Variants in ADGRL4 observed in about 807,000 individuals in gnomAD.
ADGRL4 encodes adhesion G protein-coupled receptor L4.
In ADGRL4, 90 loss-of-function variants were observed where a neutral mutation model predicts 74.8. That is an observed-to-expected ratio of 1.20 (90% confidence interval 1.02 to 1.43). ADGRL4 has a LOEUF of 1.43. Among genes scored for constraint, ADGRL4 ranks in the 40% most tolerant of loss-of-function variants. The pLI is 0.00. For missense variants in ADGRL4, 881 were observed against 814.3 expected, an observed-to-expected ratio of 1.08 and a Z score of -1.00; for synonymous variants, 311 against 279.2, an observed-to-expected ratio of 1.11 and a Z score of -1.14.
At chr1:78,960,952 G>T (rs1649938926) in intron 2 of ADGRL4, among the ~76,000 whole-genome samples, 1 of 152,090 alleles carries the variant, frequency 6.6e-6, no homozygotes. Context: ...AAATGAAAAA[G>T]ACAAATCTAT....
chr1:78,915,911 T>C (rs1052010701), intron 12 of ADGRL4, among the ~76,000 whole-genome samples: 13 of 151,984 alleles, frequency 8.6e-5, no homozygotes, highest in Admixed American at 2.6e-4. Flanking sequence ...AAAGGTATTA[T>C]AAAAGATGAG....
intron 2 of ADGRL4, among the ~76,000 whole-genome samples, chr1:78,997,771 G>A (rs1400641797): frequency 3.9e-5 from 6 of 152,014 alleles, no homozygotes; most frequent in Admixed American, 1.3e-4. Context: ...AAAAAAAAAT[G>A]TGATTATCAC....
intron 2 of ADGRL4, among the ~76,000 whole-genome samples, chr1:78,988,062 A>G (rs1650533645): frequency 6.6e-6 from 1 of 151,836 alleles, no homozygotes; most frequent in Non-Finnish European, 1.5e-5. Context: ...ATGTATTAGA[A>G]TTTAAAATAA....
chr1:78,937,963 C>CA lies in ADGRL4; in HGVS notation c.603dup (p.Val202CysfsTer17), dbSNP rs772912167. ...CAAACTACAAATGTATCCCTTTGAA[C>CA]AAAATTATTCACGGTTTTTACAAAT... On this transcript the variant is annotated frameshift_variant, in exon 6 of 15. Transcript: ENST00000370742. LOFTEE classifies it high-confidence loss of function. 6.2e-7 allele frequency: 1 copy of CA among 1,610,428 alleles called. No homozygotes were observed. The highest frequency in any genetic ancestry group is 8.5e-7 in the Non-Finnish European group (1 of 1,179,064).
intron 2 of ADGRL4, among the ~76,000 whole-genome samples, chr1:78,992,652 T>C (rs1570276665): frequency 6.6e-6 from 1 of 152,170 alleles, no homozygotes; most frequent in East Asian, 1.9e-4. Flanking sequence ...CTATGCTCAA[T>C]GGCAATGGAC....
chr1:78,998,917 GAGAATTA>G (rs1302994131), intron 2 of ADGRL4, among the ~76,000 whole-genome samples: 1 of 152,130 alleles, frequency 6.6e-6, no homozygotes, highest in Non-Finnish European at 1.5e-5. Flanking sequence ...GAACTATTGT[GAGAATTA>G]AATTTAAAAA....
chr1:78,920,152 G>A (rs768634985), intron 10 of ADGRL4, 31 bp downstream of exon 10: 2 of 1,533,612 alleles, frequency 1.3e-6, no homozygotes, highest in African/African-American at 1.4e-5. Flanking sequence ...CATATCATAG[G>A]ACAAAAATAG....
chr1:78,978,488 T>C (rs1650335043), intron 2 of ADGRL4, among the ~76,000 whole-genome samples: 1 of 151,988 alleles, frequency 6.6e-6, no homozygotes, highest in South Asian at 2.1e-4. Flanking sequence ...ATGTTTCAGT[T>C]CTTCTCGTCC....
At chr1:78,931,400 C>T (rs1649239544) in intron 7 of ADGRL4, among the ~76,000 whole-genome samples, 1 of 151,436 alleles carries the variant, frequency 6.6e-6, no homozygotes, top group Non-Finnish European at 1.5e-5. Flanking sequence ...TCGTCACCAC[C>T]AGTCCTGCCT....
Position 79,002,924 on chromosome 1 carries a change from C to T in ADGRL4, c.172+2146G>A, listed in dbSNP as rs1233007661. Among the ~76,000 whole-genome samples, 5 of 152,068 alleles carry T rather than the reference C, an allele frequency of 3.3e-5. No individual in the cohort carries two copies. In the East Asian group the frequency reaches 9.6e-4, roughly 29 times the overall value. On this transcript the variant is annotated intron_variant, in intron 2 of 14. Coordinates refer to ENST00000370742, the MANE Select transcript of ADGRL4 (RefSeq NM_022159.4). ...CAAATTATAAATTACTTGTTCAAAA[C>T]TTGCTCTTTTAATATGTTTAGTGAG...
intron 3 of ADGRL4, 59 bp from the exon 4 acceptor site, chr1:78,939,317 A>T (rs1308904705): frequency 7.2e-7 from 1 of 1,383,792 alleles, no homozygotes; most frequent in Non-Finnish European, 9.6e-7. Flanking sequence ...TCCTAAGCTG[A>T]TCATATCAAT....
intron 2 of ADGRL4, among the ~76,000 whole-genome samples, chr1:78,992,809 T>A (rs1650634900): frequency 6.6e-6 from 1 of 152,108 alleles, no homozygotes; most frequent in Non-Finnish European, 1.5e-5. Context: ...AAAAGCTATA[T>A]AATATATACT....
intron 2 of ADGRL4, among the ~76,000 whole-genome samples, chr1:78,970,750 T>A (rs1460692953): frequency 6.6e-6 from 1 of 152,126 alleles, no homozygotes; most frequent in African/African-American, 2.4e-5. Flanking sequence ...TTTCCCTTTC[T>A]CCTCCTCTGT....
At chr1:78,915,982 C>T (rs895866052) in intron 12 of ADGRL4, among the ~76,000 whole-genome samples, 3 of 151,616 alleles carry the variant, frequency 2.0e-5, no homozygotes, top group South Asian at 2.1e-4. Context: ...AGACTGACCC[C>T]CTGGTTAACC....
chr1:78,983,886 A>T (rs1480736756), intron 2 of ADGRL4, among the ~76,000 whole-genome samples: 1 of 151,862 alleles, frequency 6.6e-6, no homozygotes, highest in Non-Finnish European at 1.5e-5. Context: ...ATAATGTACC[A>T]TATACCTTCA....
chr1:78,903,103 T>C (rs1016094009), intron 12 of ADGRL4, among the ~76,000 whole-genome samples: 2 of 152,164 alleles, frequency 1.3e-5, no homozygotes, highest in African/African-American at 4.8e-5. Context: ...ACTGGTGTCC[T>C]CACTTTTTCC....
chr1:78,974,422 A>G (rs1342495687), intron 2 of ADGRL4, among the ~76,000 whole-genome samples: 2 of 152,150 alleles, frequency 1.3e-5, no homozygotes, highest in Non-Finnish European at 2.9e-5. Flanking sequence ...ACCCTAAGAG[A>G]TTGAAAAAGA....
At chr1:78,954,871 G>A (rs536807197) in intron 2 of ADGRL4, among the ~76,000 whole-genome samples, 4 of 151,994 alleles carry the variant, frequency 2.6e-5, no homozygotes, top group Non-Finnish European at 4.4e-5. Context: ...TCCTTTTTAT[G>A]AATCTGATAC....
At chr1:78,998,362 CTTTTTTTTTTT>C (rs71078519) in intron 2 of ADGRL4, among the ~76,000 whole-genome samples, 1 of 65,010 alleles carries the variant, frequency 1.5e-5, no homozygotes, top group Non-Finnish European at 2.7e-5. Flanking sequence ...TCCACTGATT[CTTTTTTTTTTT>C]TTTTTTTTTT....
Sources: gnomAD v4.1 joint callset for allele counts (sites outside exome capture counted in the v4.1 genomes callset) on GRCh38, gnomAD v4.1.1 for gene constraint, MANE v1.5 for transcripts, NCBI Gene and HGNC (gene_info 2026-07-23, HGNC 2026-07-21) for gene names.